Variants in SLC1A1 observed in about 807,000 individuals in gnomAD.
SLC1A1 encodes solute carrier family 1 member 1, also known as excitatory amino acid transporter 3.
In SLC1A1, 43 loss-of-function variants were observed where a neutral mutation model predicts 53.3. The ratio of observed to expected loss-of-function variants is 0.81; its 90% CI spans 0.63 to 1.04. The LOEUF (loss-of-function observed/expected upper bound fraction) is 1.04, where lower values mean the gene tolerates loss of function less well. Among genes scored for constraint, SLC1A1 ranks in the 50% least tolerant of loss-of-function variants. The pLI, the probability that SLC1A1 is intolerant of heterozygous loss-of-function variation, is 0.00. For synonymous variants in SLC1A1, 307 were observed against 243.2 expected, an observed-to-expected ratio of 1.26 and a Z score of -2.44; for missense variants, 748 against 664.9, an observed-to-expected ratio of 1.12 and a Z score of -1.37.
At position 4,540,460 on chromosome 9, in the gene SLC1A1, A is replaced by G. The variant is rs1299617005; in HGVS notation, c.92-4107A>G. On this transcript the variant is annotated intron_variant, in intron 1 of 11. Transcript: ENST00000262352. ...TGCAAAAAGGCAGAGGGCCCACTGA[A>G]CTGTTGACACTTAAGCCGTCCGTGG... 5.3e-5 allele frequency among the ~76,000 whole-genome samples: 8 copies of G among 152,152 alleles called. No homozygotes were observed. The East Asian group carries it at 1.2e-3, about 22-fold the overall frequency.
At chr9:4,580,639 G>GTGTA (rs1820994474) in intron 10 of SLC1A1, among the ~76,000 whole-genome samples, 1 of 142,702 alleles carries the variant, frequency 7.0e-6, no homozygotes, top group Non-Finnish European at 1.5e-5. Context: ...GTGTGTGTGT[G>GTGTA]TGTGTGTGTG....
rs1821631845 is a variant in SLC1A1, at chr9:4,587,216, G to A, written c.*1658G>A. ...AATGATTCAATGTGAATTTTAAAAT[G>A]CAAATATTGCTATTGTTTATAGGAA... On this transcript the variant is annotated 3_prime_UTR_variant, in exon 12 of 12. Coordinates refer to ENST00000262352, the MANE Select transcript of SLC1A1 (RefSeq NM_004170.6). 6.6e-6 allele frequency: 1 copy of A among 152,368 alleles called. No homozygotes were observed. The highest frequency in any genetic ancestry group is 1.5e-5 in the Non-Finnish European group (1 of 68,020). The allele number at this position is 152,368 out of a possible 1,614,324, so 9.4% of individuals were successfully genotyped here. A position where few individuals can be genotyped will look rare whatever the true frequency, so the allele number is the denominator to read the frequency against.
At chr9:4,496,426 C>T (rs972391570) in intron 1 of SLC1A1, among the ~76,000 whole-genome samples, 1 of 151,688 alleles carries the variant, frequency 6.6e-6, no homozygotes, top group African/African-American at 2.4e-5. Flanking sequence ...CGTTTTGTTG[C>T]CCAGGCTGGT....
At chr9:4,554,298 G>A (rs544589516) in intron 2 of SLC1A1, 9 of 152,324 alleles carry the variant, frequency 5.9e-5, no homozygotes, top group African/African-American at 1.9e-4. Flanking sequence ...CAATCAGCAT[G>A]TTTACTGAGC....
At chr9:4,531,722 A>T in intron 1 of SLC1A1, among the ~76,000 whole-genome samples, 1 of 152,176 alleles carries the variant, frequency 6.6e-6, no homozygotes, top group East Asian at 1.9e-4. Flanking sequence ...TTCTCCCAGC[A>T]CACAGCTGGA....
At chr9:4,530,249 G>A (rs1327402408) in intron 1 of SLC1A1, among the ~76,000 whole-genome samples, 1 of 152,094 alleles carries the variant, frequency 6.6e-6, no homozygotes, top group Non-Finnish European at 1.5e-5. Context: ...CTCTCATGGT[G>A]GGCAATGGAA....
At chr9:4,518,711 TG>T (rs1815953569) in intron 1 of SLC1A1, among the ~76,000 whole-genome samples, 1 of 151,872 alleles carries the variant, frequency 6.6e-6, no homozygotes, top group Admixed American at 6.6e-5. Context: ...CAAGGTAGAG[TG>T]AAAAATATCA....
chr9:4,517,758 A>T (rs985142805), intron 1 of SLC1A1, among the ~76,000 whole-genome samples: 1 of 152,152 alleles, frequency 6.6e-6, no homozygotes, highest in Non-Finnish European at 1.5e-5. Context: ...ATTCAGGAGA[A>T]AAGGCCACCA....
chr9:4,545,577 C>G (rs754305500), intron 2 of SLC1A1, among the ~76,000 whole-genome samples: 27 of 152,246 alleles, frequency 1.8e-4, no homozygotes, highest in Non-Finnish European at 2.6e-4. Context: ...CTCTGCACTC[C>G]TTACCCACTT....
intron 1 of SLC1A1, among the ~76,000 whole-genome samples, chr9:4,494,550 T>C (rs911650250): frequency 3.9e-5 from 6 of 152,140 alleles, no homozygotes; most frequent in Non-Finnish European, 8.8e-5. Context: ...ACTGTCCCTG[T>C]AGTATTATTC....
At chr9:4,543,732 G>A (rs1284200946) in intron 1 of SLC1A1, among the ~76,000 whole-genome samples, 2 of 152,014 alleles carry the variant, frequency 1.3e-5, no homozygotes, top group East Asian at 3.9e-4. Context: ...TTAGAGAACA[G>A]TCATTTGATA....
chr9:4,508,231 TAAAGAG>T (rs951912530), intron 1 of SLC1A1, among the ~76,000 whole-genome samples: 1 of 151,980 alleles, frequency 6.6e-6, no homozygotes. Flanking sequence ...AAAAGTAGAA[TAAAGAG>T]AGTCAACCAC....
At chr9:4,509,152 T>C (rs922797480) in intron 1 of SLC1A1, among the ~76,000 whole-genome samples, 3 of 151,864 alleles carry the variant, frequency 2.0e-5, no homozygotes, top group African/African-American at 7.3e-5. Context: ...GCGATCTGTG[T>C]GAACAAGAGT....
At chr9:4,496,681 G>C (rs1465480832) in intron 1 of SLC1A1, among the ~76,000 whole-genome samples, 1 of 152,048 alleles carries the variant, frequency 6.6e-6, no homozygotes, top group African/African-American at 2.4e-5. Context: ...GACTGCTTGA[G>C]GCTAGGAGTT....
At chr9:4,494,887 G>A (rs1820359926) in intron 1 of SLC1A1, among the ~76,000 whole-genome samples, 1 of 152,090 alleles carries the variant, frequency 6.6e-6, no homozygotes, top group African/African-American at 2.4e-5. Context: ...CATTACTTCT[G>A]TCATTTGAAA....
chr9:4,497,841 ACT>A (rs150379497), intron 1 of SLC1A1, among the ~76,000 whole-genome samples: 1 of 152,130 alleles, frequency 6.6e-6, no homozygotes, highest in South Asian at 2.1e-4. Context: ...TGATACCTAT[ACT>A]CTCTGAGTCT....
chr9:4,494,998 G>T (rs1820363299), intron 1 of SLC1A1, among the ~76,000 whole-genome samples: 1 of 152,126 alleles, frequency 6.6e-6, no homozygotes, highest in African/African-American at 2.4e-5. Context: ...GTTTTCTTTG[G>T]AGCGCTAAGG....
intron 1 of SLC1A1, among the ~76,000 whole-genome samples, chr9:4,508,048 C>A (rs1440963505): frequency 5.3e-5 from 8 of 152,030 alleles, no homozygotes. Context: ...CAAGTCTGAG[C>A]CAAGGGACAG....
rs945202121 is a variant in SLC1A1, at chr9:4,583,690, G to A, written c.1328+518G>A. 1.4e-4 allele frequency among the ~76,000 whole-genome samples: 22 copies of A among 152,138 alleles called. No individual in the cohort carries two copies. Among genetic ancestry groups the A allele is most frequent in the African/African-American group, 5.3e-4 (22 of 41,406 alleles). ...CCCAGTTGCATAATCTGTGAGATGGGAAAAAATCTGCCTATGTCATTGGGT... is the reference window on the plus strand; with the variant it reads ...CCCAGTTGCATAATCTGTGAGATGGAAAAAAATCTGCCTATGTCATTGGGT... On this transcript the variant is annotated intron_variant, in intron 11 of 11. Transcript: ENST00000262352. The surrounding 1 kb of genome is among the most constrained non-coding windows in gnomAD (Gnocchi z 4.6).
Sources: gnomAD v4.1 joint callset for allele counts (sites outside exome capture counted in the v4.1 genomes callset) on GRCh38, gnomAD v4.1.1 for gene constraint, Gnocchi (gnomAD v3.1) non-coding constraint, MANE v1.5 for transcripts, NCBI Gene and HGNC (gene_info 2026-07-23, HGNC 2026-07-21) for gene names.